DDC: variants seen among roughly 807,000 people sequenced by gnomAD.
DDC encodes dopa decarboxylase.
DDC carries 43 observed loss-of-function variants against 60.0 expected under a neutral mutation model. The observed-to-expected ratio is 0.72, with a 90% CI of 0.56 to 0.92. The LOEUF is 0.92. Ranked by LOEUF, DDC falls within the 40% of genes least tolerant of loss-of-function variation. The pLI is 0.00. For synonymous variants in DDC, 232 were observed against 234.6 expected, an observed-to-expected ratio of 0.99 and a Z score of 0.10; for missense variants, 573 against 620.2, an observed-to-expected ratio of 0.92 and a Z score of 0.81.
chr7:50,526,955 CA>C (rs1353931084), intron 6 of DDC, among the ~76,000 whole-genome samples: 1 of 152,138 alleles, frequency 6.6e-6, no homozygotes, highest in Non-Finnish European at 1.5e-5. Context: ...TAATATGCTT[CA>C]AAATATGTAC....
chr7:50,540,735 C>T (rs1245497281), intron 2 of DDC, among the ~76,000 whole-genome samples: 2 of 152,212 alleles, frequency 1.3e-5, no homozygotes, highest in Non-Finnish European at 2.9e-5. Flanking sequence ...GAACACCTGC[C>T]ACTCCCTGGG....
intron 8 of DDC, among the ~76,000 whole-genome samples, chr7:50,496,139 C>T (rs964845676): frequency 2.0e-5 from 3 of 151,376 alleles, no homozygotes; most frequent in African/African-American, 7.3e-5. Context: ...GTTGCCCAGG[C>T]TGGACATGAA....
chr7:50,512,900 C>G (rs1293845381), intron 6 of DDC, among the ~76,000 whole-genome samples: 1 of 152,110 alleles, frequency 6.6e-6, no homozygotes, highest in Admixed American at 6.5e-5. Context: ...TCACACATAC[C>G]CAGAAAAGAC....
At chr7:50,472,644 A>G (rs1022987820) in intron 11 of DDC, among the ~76,000 whole-genome samples, 3 of 152,108 alleles carry the variant, frequency 2.0e-5, no homozygotes, top group African/African-American at 7.2e-5. Flanking sequence ...AATGATGCCC[A>G]CTTTACCCAG....
rs144343091 is a variant in DDC, at chr7:50,564,938, CAG to C, written c.-29+345_-29+346del. On this transcript the variant is annotated intron_variant, in intron 1 of 14. Transcript: ENST00000444124. ...AGAAAATCCTCATTTACAGAAGAAA[CAG>C]AGGCTGGGGGAATAAAATACCCAAC... Among the ~76,000 whole-genome samples, 1,253 of 152,274 alleles carry C rather than the reference CAG, an allele frequency of 8.2e-3. 19 individuals are homozygous for C. The highest frequency in any genetic ancestry group is 0.029 in the African/African-American group (1,201 of 41,546).
At chr7:50,470,248 C>T (rs966672618) in intron 11 of DDC, 77 bp from the exon 12 acceptor site, 1 of 1,112,654 alleles carries the variant, frequency 9.0e-7, no homozygotes, top group African/African-American at 1.5e-5. Context: ...ACCGGCTCGC[C>T]TATTTCTCTT....
intron 1 of DDC, among the ~76,000 whole-genome samples, chr7:50,552,183 A>G (rs375595049): frequency 6.6e-6 from 1 of 152,240 alleles, no homozygotes; most frequent in African/African-American, 2.4e-5. Context: ...GGCTCTTAGC[A>G]TGAAGCCACA....
chr7:50,492,831 G>A (rs2043031348), intron 9 of DDC: 2 of 1,528,336 alleles, frequency 1.3e-6, no homozygotes, highest in Non-Finnish European at 1.7e-6. Context: ...TTGTCCGGGA[G>A]AGATGAGCGC....
At chr7:50,463,142 T>C in intron 14 of DDC, 71 bp downstream of exon 14, 1 of 1,265,106 alleles carries the variant, frequency 7.9e-7, no homozygotes, top group Non-Finnish European at 1.1e-6. Context: ...TGTAGCTGGG[T>C]CTGGACTCCA....
At chr7:50,498,220 T>C (rs2043168143) in intron 8 of DDC, among the ~76,000 whole-genome samples, 1 of 152,232 alleles carries the variant, frequency 6.6e-6, no homozygotes, top group Admixed American at 6.5e-5. Context: ...GGTACACAGC[T>C]AGTCTTAAGG....
chr7:50,488,394 GTA>G (rs2042930235), intron 9 of DDC, among the ~76,000 whole-genome samples: 2 of 151,896 alleles, frequency 1.3e-5, no homozygotes, highest in African/African-American at 4.8e-5. Flanking sequence ...AAAGGAAACA[GTA>G]AATAAAAGAG....
intron 12 of DDC, among the ~76,000 whole-genome samples, chr7:50,468,076 C>T (rs905706493): frequency 6.6e-6 from 1 of 152,294 alleles, no homozygotes. Flanking sequence ...TCATTCTAAG[C>T]CCGCGGATAC....
At chr7:50,464,890 C>A (rs2042360676) in intron 13 of DDC, among the ~76,000 whole-genome samples, 1 of 152,160 alleles carries the variant, frequency 6.6e-6, no homozygotes, top group Non-Finnish European at 1.5e-5. Flanking sequence ...GCCAAGATGG[C>A]AGATATGGAG....
At chr7:50,470,830 T>G (rs2042513261) in intron 11 of DDC, among the ~76,000 whole-genome samples, 1 of 152,064 alleles carries the variant, frequency 6.6e-6, no homozygotes, top group African/African-American at 2.4e-5. Flanking sequence ...GGAGATGTGG[T>G]GAAGTGAGTA....
intron 1 of DDC, among the ~76,000 whole-genome samples, chr7:50,559,855 G>GAAAAC (rs1563056681): frequency 6.6e-6 from 1 of 152,210 alleles, no homozygotes; most frequent in East Asian, 1.9e-4. Flanking sequence ...TTGAAGAGCA[G>GAAAAC]AAAACAAAAG....
chr7:50,531,165 C>G (rs962718172), intron 4 of DDC, among the ~76,000 whole-genome samples: 3 of 152,152 alleles, frequency 2.0e-5, no homozygotes, highest in Admixed American at 6.5e-5. Context: ...GGTTTACAAA[C>G]CTTGGCCAGA....
chr7:50,557,177 G>A (rs1054560375), intron 1 of DDC, among the ~76,000 whole-genome samples: 2 of 152,222 alleles, frequency 1.3e-5, no homozygotes, highest in Non-Finnish European at 2.9e-5. Flanking sequence ...CTGCTGACAT[G>A]AAGGAGGAAG....
chr7:50,474,085 C>T (rs1401985001), intron 11 of DDC, among the ~76,000 whole-genome samples: 1 of 152,188 alleles, frequency 6.6e-6, no homozygotes, highest in Non-Finnish European at 1.5e-5. Context: ...GTGGGGAGTA[C>T]AGGGGCTGAT....
At chr7:50,459,096 G>A (rs1256155454) in intron 14 of DDC, among the ~76,000 whole-genome samples, 1 of 152,250 alleles carries the variant, frequency 6.6e-6, no homozygotes, top group African/African-American at 2.4e-5. Context: ...GCCTGCGATT[G>A]CAGGCGCGCA....
Sources: allele counts gnomAD v4.1 joint callset (sites outside exome capture counted in the v4.1 genomes callset), GRCh38; gene constraint gnomAD v4.1.1; transcripts MANE v1.5; gene names NCBI Gene and HGNC (gene_info 2026-07-23, HGNC 2026-07-21).